The following KCNIP4 variants were observed in gnomAD, a reference collection of about 807,000 sequenced individuals.
KCNIP4 encodes Kv channel-interacting protein 4.
KCNIP4 carries 12 observed loss-of-function variants against 34.0 expected under a neutral mutation model. The ratio of observed to expected loss-of-function variants is 0.35; its 90% confidence interval spans 0.23 to 0.57. The LOEUF is 0.57. Among genes scored for constraint, KCNIP4 ranks in the 20% least tolerant of loss-of-function variants. The pLI is 0.83. For synonymous variants in KCNIP4, 124 were observed against 102.2 expected, an observed-to-expected ratio of 1.21 and a Z score of -1.29; for missense variants, 238 against 311.7, an observed-to-expected ratio of 0.76 and a Z score of 1.78.
intron 1 of KCNIP4, among the ~76,000 whole-genome samples, chr4:21,793,787 T>C (rs1227878196): frequency 1.3e-5 from 2 of 152,014 alleles, no homozygotes; most frequent in East Asian, 3.9e-4. Context: ...CACAGGGGTA[T>C]ATACCCAAAG....
intron 1 of KCNIP4, among the ~76,000 whole-genome samples, chr4:21,831,654 A>AT (rs1487170963): frequency 3.9e-5 from 2 of 50,704 alleles, no homozygotes; most frequent in African/African-American, 1.6e-4. Flanking sequence ...GCAATTAAAC[A>AT]TTTTTCATCA....
chr4:21,503,208 C>T (rs1733507961), intron 1 of KCNIP4, among the ~76,000 whole-genome samples: 1 of 152,256 alleles, frequency 6.6e-6, no homozygotes, highest in Admixed American at 6.5e-5. Context: ...TATCATCTTG[C>T]TAAAAACTAG....
chr4:20,892,701 C>T (rs1390105452), intron 1 of KCNIP4, among the ~76,000 whole-genome samples: 1 of 152,192 alleles, frequency 6.6e-6, no homozygotes, highest in Non-Finnish European at 1.5e-5. Flanking sequence ...TGCATGTTAT[C>T]TGAGGCAAAT....
intron 1 of KCNIP4, among the ~76,000 whole-genome samples, chr4:21,006,904 A>G (rs1204199659): frequency 6.6e-6 from 1 of 152,132 alleles, no homozygotes; most frequent in East Asian, 1.9e-4. Flanking sequence ...GGAAATAATT[A>G]AGCTTGGCAA....
chr4:21,333,393 C>T (rs1715847431), intron 1 of KCNIP4, among the ~76,000 whole-genome samples: 1 of 151,328 alleles, frequency 6.6e-6, no homozygotes, highest in South Asian at 2.1e-4. Context: ...AAAAAAAAAT[C>T]AGTAAGCCTT....
chr4:21,348,549 G>A (rs574994677), intron 1 of KCNIP4, among the ~76,000 whole-genome samples: 5 of 152,238 alleles, frequency 3.3e-5, no homozygotes, highest in African/African-American at 1.2e-4. Flanking sequence ...GTCTCCCCCT[G>A]AAGACAACCA....
At chr4:21,724,545 C>T (rs1031752825) in intron 1 of KCNIP4, among the ~76,000 whole-genome samples, 1 of 149,574 alleles carries the variant, frequency 6.7e-6, no homozygotes, top group Non-Finnish European at 1.5e-5. Context: ...AGCAATTCAT[C>T]ACTTTACATA....
intron 1 of KCNIP4, among the ~76,000 whole-genome samples, chr4:21,665,971 C>A (rs565927901): frequency 6.6e-6 from 1 of 152,270 alleles, no homozygotes; most frequent in Admixed American, 6.5e-5. Context: ...TGTAAGAAAA[C>A]ATAACAAGAA....
intron 1 of KCNIP4, among the ~76,000 whole-genome samples, chr4:21,144,456 T>C (rs538083121): frequency 6.0e-4 from 91 of 152,304 alleles, no homozygotes; most frequent in African/African-American, 2.1e-3. Flanking sequence ...ATATTGTACA[T>C]AAGCTCATCT....
intron 1 of KCNIP4, among the ~76,000 whole-genome samples, chr4:21,527,454 C>T (rs1302077177): frequency 2.0e-5 from 3 of 152,018 alleles, no homozygotes; most frequent in African/African-American, 7.3e-5. Context: ...GGACTTGGGC[C>T]GCAGGAAGGA....
intron 3 of KCNIP4, among the ~76,000 whole-genome samples, chr4:20,811,489 GCA>G (rs1244256282): frequency 6.4e-5 from 7 of 110,090 alleles, no homozygotes; most frequent in East Asian, 2.7e-4. Flanking sequence ...ATGTGTGTGT[GCA>G]TGTGTGTGTG....
chr4:21,680,523 G>T (rs1313721701), intron 1 of KCNIP4, among the ~76,000 whole-genome samples: 1 of 152,098 alleles, frequency 6.6e-6, no homozygotes, highest in Non-Finnish European at 1.5e-5. Context: ...TTTCCAGAAG[G>T]TTTTCAATTT....
intron 1 of KCNIP4, among the ~76,000 whole-genome samples, chr4:21,295,893 A>T (rs1414536684): frequency 6.6e-6 from 1 of 151,526 alleles, no homozygotes. Context: ...CAACATATGG[A>T]CCACAATAGA....
At chr4:21,885,212 C>A in intron 1 of KCNIP4, among the ~76,000 whole-genome samples, 1 of 152,088 alleles carries the variant, frequency 6.6e-6, no homozygotes, top group African/African-American at 2.4e-5. Context: ...GGAAGAAATA[C>A]TTGTAGCATT....
At chr4:21,887,381 T>C (rs1486739028) in intron 1 of KCNIP4, among the ~76,000 whole-genome samples, 2 of 152,118 alleles carry the variant, frequency 1.3e-5, no homozygotes, top group Admixed American at 6.6e-5. Flanking sequence ...GGTATCTTCT[T>C]ACAAGGACAC....
At chr4:21,578,659 C>G (rs1046955953) in intron 1 of KCNIP4, among the ~76,000 whole-genome samples, 13 of 152,090 alleles carry the variant, frequency 8.5e-5, no homozygotes, top group Non-Finnish European at 1.5e-5. Flanking sequence ...CCCCTGGGAC[C>G]TCATAGAATG....
chr4:21,668,064 A>C (rs1372216594), intron 1 of KCNIP4, among the ~76,000 whole-genome samples: 1 of 152,230 alleles, frequency 6.6e-6, no homozygotes, highest in East Asian at 1.9e-4. Flanking sequence ...AAAAGGAATG[A>C]GATCATGTCC....
At chr4:21,873,135 G>A (rs866118466) in intron 1 of KCNIP4, among the ~76,000 whole-genome samples, 5 of 152,164 alleles carry the variant, frequency 3.3e-5, no homozygotes, top group Middle Eastern at 3.2e-3. Context: ...GAACCACGTT[G>A]TCCAAATAAA....
chr4:21,018,910 T>A (rs1384930866), intron 1 of KCNIP4, among the ~76,000 whole-genome samples: 1 of 152,194 alleles, frequency 6.6e-6, no homozygotes. Flanking sequence ...TGAGTTAAAT[T>A]TCTGAATTAC....
Sources: allele counts gnomAD v4.1 joint callset (sites outside exome capture counted in the v4.1 genomes callset), GRCh38; gene constraint gnomAD v4.1.1; transcripts MANE v1.5; gene names NCBI Gene and HGNC (gene_info 2026-07-23, HGNC 2026-07-21).